The following NBPF9 variants were observed in gnomAD, a reference collection of about 807,000 sequenced individuals.
The protein encoded by NBPF9 is NBPF member 9.
In NBPF9, 91 loss-of-function variants were observed where a neutral mutation model predicts 97.8. The ratio of observed to expected loss-of-function variants is 0.93; its 90% CI spans 0.79 to 1.11. The LOEUF (loss-of-function observed/expected upper bound fraction) is 1.11, where lower values mean the gene tolerates loss of function less well. Ranked by LOEUF, NBPF9 falls within the 50% of genes least tolerant of loss-of-function variation. The probability of loss-of-function intolerance (pLI) is 0.00; values close to 1 mark genes in which losing one functional copy is unlikely to be tolerated. For synonymous variants in NBPF9, 334 were observed against 359.5 expected, an observed-to-expected ratio of 0.93 and a Z score of 0.80; for missense variants, 992 against 939.5, an observed-to-expected ratio of 1.06 and a Z score of -0.73.
exon 6 of NBPF9, chr1:149,082,333 A>C: frequency 1.9e-6 from 3 of 1,544,404 alleles, no homozygotes; most frequent in Non-Finnish European, 2.6e-6. Context: ...CCACAAAAAC[A>C]AGGTTTGAGG....
intron 17 of NBPF9, among the ~76,000 whole-genome samples, chr1:149,068,189 C>A (rs2079151797): frequency 6.7e-6 from 1 of 149,124 alleles, no homozygotes; most frequent in African/African-American, 2.5e-5. Flanking sequence ...ACTCTAAAGA[C>A]CATTGACGCT....
In NBPF9 at chr1:149,079,179, C is replaced by G. The variant is rs1320510640; in HGVS notation, c.321G>C (p.Thr107=). 518 of 1,191,470 alleles carry G rather than the reference C, an allele frequency of 4.3e-4. No homozygotes were observed. In the African/African-American group the frequency reaches 6.0e-3, roughly 14 times the overall value. The allele number at this position is 1,191,470 out of a possible 1,614,324, so 73.8% of individuals were successfully genotyped here. ...CTTCCCGTAACTTCTCCTTTAACTG[C>G]GTCAGCTCTCGTTCCTGAGAGTGAA... The change falls in exon 9 of 30, where the codon ACG becomes ACC. Residue 107 remains threonine, a synonymous_variant. Coordinates refer to ENST00000584027, the Ensembl canonical transcript of NBPF9.
At chr1:149,081,273 C>A (rs878929508) in intron 7 of NBPF9, among the ~76,000 whole-genome samples, 6 of 152,036 alleles carry the variant, frequency 3.9e-5, no homozygotes, top group Non-Finnish European at 8.8e-5. Flanking sequence ...TTGCCCTCCA[C>A]GACGCCCATC....
At chr1:149,072,285 T>C (rs1553653107) in intron 14 of NBPF9, among the ~76,000 whole-genome samples, 1 of 151,684 alleles carries the variant, frequency 6.6e-6, no homozygotes, top group African/African-American at 2.4e-5. Context: ...CTTCAGACCC[T>C]TGCAAGAGAC....
intron 5 of NBPF9, among the ~76,000 whole-genome samples, chr1:149,087,287 C>T (rs1400874901): frequency 1.3e-5 from 2 of 149,776 alleles, no homozygotes; most frequent in East Asian, 3.9e-4. Context: ...TATATATTCC[C>T]TATTTGGAGA....
intron 17 of NBPF9, among the ~76,000 whole-genome samples, chr1:149,068,501 A>C: frequency 2.0e-5 from 3 of 149,566 alleles, no homozygotes; most frequent in African/African-American, 5.0e-5. Flanking sequence ...AACAGACTTT[A>C]AACCAACAAA....
exon 11 of NBPF9, chr1:149,077,382 C>G: frequency 6.2e-7 from 1 of 1,610,058 alleles, no homozygotes; most frequent in South Asian, 1.1e-5. Context: ...TCCAGTGAGT[C>G]CTCAGCGACT....
chr1:149,073,023 C>T, intron 13 of NBPF9, 91 bp from the exon 14 acceptor site: 1 of 1,415,834 alleles, frequency 7.1e-7, no homozygotes, highest in Non-Finnish European at 1.0e-6. Context: ...ACAGTGTCCT[C>T]AAGGAGACCT....
intron 19 of NBPF9, among the ~76,000 whole-genome samples, chr1:149,064,017 G>GAC (rs72022450): frequency 0.011 from 1,151 of 101,610 alleles, 47 homozygotes; most frequent in African/African-American, 0.036. Flanking sequence ...CACAGACACA[G>GAC]ACACACACAC....
At position 149,056,445 on chromosome 1, in the gene NBPF9, G is replaced by A; in HGVS notation, c.3092+67C>T. 3 of 107,750 alleles carry A rather than the reference G, an allele frequency of 2.8e-5. 1 individual carries two copies. The highest frequency in any genetic ancestry group is 4.5e-5 in the Non-Finnish European group (3 of 66,272). 6.7% of individuals were successfully genotyped at this position (107,750 alleles called of 1,614,324 possible). On this transcript the variant is annotated intron_variant, in intron 29 of 29. Coordinates refer to ENST00000584027, the Ensembl canonical transcript of NBPF9. ...AAAACATGACATCAAACACACTCTG[G>A]TTTCCCTGAATCTGTTGCCTCCAGG...
chr1:149,093,321 A>C (rs1300568317), intron 4 of NBPF9, among the ~76,000 whole-genome samples: 1 of 151,986 alleles, frequency 6.6e-6, no homozygotes, highest in Admixed American at 6.6e-5. Context: ...CTTTACACCG[A>C]GACATTCCAT....
intron 17 of NBPF9, among the ~76,000 whole-genome samples, chr1:149,068,162 C>T (rs1320602860): frequency 8.2e-4 from 122 of 149,022 alleles, no homozygotes; most frequent in Non-Finnish European, 1.2e-3. Context: ...GTACCAGCCA[C>T]TGCAAAAACA....
chr1:149,054,151 G>C (rs1447070869), exon 30 of NBPF9: 17 of 146,968 alleles, frequency 1.2e-4, no homozygotes, highest in Non-Finnish European at 1.3e-4. Flanking sequence ...TAGGCAAAAG[G>C]TTTTAATTGT....
At chr1:149,056,150 A>T (rs1369627595) in intron 29 of NBPF9, among the ~76,000 whole-genome samples, 1 of 151,904 alleles carries the variant, frequency 6.6e-6, no homozygotes, top group Admixed American at 6.6e-5. Flanking sequence ...TGAATTGGCC[A>T]GGTGACATAC....
intron 17 of NBPF9, among the ~76,000 whole-genome samples, chr1:149,068,042 A>T (rs587614416): frequency 8.9e-5 from 13 of 146,808 alleles, no homozygotes; most frequent in African/African-American, 3.4e-4. Context: ...TCATAAGTGA[A>T]GGAGAAATAA....
At position 149,071,561 on chromosome 1, in the gene NBPF9, A is replaced by C. The variant is rs782290957; in HGVS notation, c.1379+43T>G. Reference sequence around the variant, plus strand: ...AGGGTGTGCCTCCTAGATATTCCTCATATGTTACCATCCATTAATTGTTCC... The same window carrying C: ...AGGGTGTGCCTCCTAGATATTCCTCCTATGTTACCATCCATTAATTGTTCC... On this transcript the variant is annotated intron_variant, in intron 15 of 29. Transcript: ENST00000584027. 45 of 929,876 alleles carry C rather than the reference A, an allele frequency of 4.8e-5. 3 individuals carry two copies. The highest frequency in any genetic ancestry group is 7.3e-5 in the Non-Finnish European group (43 of 588,018). 57.6% of individuals were successfully genotyped at this position (929,876 alleles called of 1,614,324 possible). A position where few individuals can be genotyped will look rare whatever the true frequency, so the allele number is the denominator to read the frequency against.
intron 5 of NBPF9, among the ~76,000 whole-genome samples, chr1:149,082,967 T>TTC (rs2080639388): frequency 8.0e-6 from 1 of 125,476 alleles, no homozygotes. Flanking sequence ...CTTTTTTTTT[T>TTC]TTTTTTTTTT....
intron 7 of NBPF9, among the ~76,000 whole-genome samples, chr1:149,080,412 G>A (rs1450702175): frequency 2.7e-5 from 4 of 150,888 alleles, no homozygotes; most frequent in African/African-American, 7.4e-5. Context: ...CAACGAAGTG[G>A]AGTCAGAACT....
At chr1:149,082,792 T>A (rs2080598618) in intron 5 of NBPF9, among the ~76,000 whole-genome samples, 3 of 149,148 alleles carry the variant, frequency 2.0e-5, no homozygotes, top group Admixed American at 6.7e-5. Flanking sequence ...CTTTTTTTTT[T>A]TTTTTGAGAC....
Sources: gnomAD v4.1 joint callset for allele counts (sites outside exome capture counted in the v4.1 genomes callset) on GRCh38, gnomAD v4.1.1 for gene constraint, MANE v1.5 for transcripts, NCBI Gene and HGNC (gene_info 2026-07-23, HGNC 2026-07-21) for gene names.